TOP2A: variants seen among roughly 807,000 people sequenced by gnomAD.
TOP2A encodes the protein DNA topoisomerase II alpha.
A neutral mutation model predicts 187.2 loss-of-function variants in TOP2A; 68 were observed. The ratio of observed to expected loss-of-function variants is 0.36; its 90% CI spans 0.30 to 0.44. The LOEUF is 0.44. Ranked by LOEUF, TOP2A falls within the 20% of genes least tolerant of loss-of-function variation. The pLI is 1.00. For missense variants in TOP2A, 1,196 were observed against 1,808.7 expected (o/e 0.66, Z 6.14); for synonymous variants, 542 against 593.2 (o/e 0.91, Z 1.25).
chr17:40,411,609 G>T lies in TOP2A; in HGVS notation c.963+36C>A. 2.5e-6 allele frequency: 4 copies of T among 1,584,672 alleles called. No individual in the cohort carries two copies. Among genetic ancestry groups the T allele is most frequent in the Non-Finnish European group, 3.4e-6 (4 of 1,161,036 alleles). ...AACAATAAGAACACATATATGTAAA[G>T]ATAAATCATGATTAATAATTTAAGA... On this transcript the variant is annotated intron_variant, in intron 8 of 34. Transcript: ENST00000423485. This position sits in a 1 kb window ranked among gnomAD's most constrained non-coding sequence, Gnocchi z 4.4.
At chr17:40,399,285 A>C (rs960168034) in intron 24 of TOP2A, 154 bp from the exon 25 acceptor site, 4 of 617,042 alleles carry the variant, frequency 6.5e-6, no homozygotes, top group East Asian at 5.5e-5. Flanking sequence ...AAGTCTCCCT[A>C]AACCATTGAC....
chr17:40,399,271 A>G (rs1445734894), intron 24 of TOP2A, 140 bp from the exon 25 acceptor site: 2 of 649,572 alleles, frequency 3.1e-6, no homozygotes, highest in Non-Finnish European at 5.3e-6. Flanking sequence ...CCCGGTATAC[A>G]GGCAAGTCTC....
chr17:40,405,382 CT>C (rs1405624941), intron 16 of TOP2A, among the ~76,000 whole-genome samples: 1 of 151,478 alleles, frequency 6.6e-6, no homozygotes, highest in Non-Finnish European at 1.5e-5. Context: ...AACTCCCGAG[CT>C]CAGGTGATCC....
At position 40,411,403 on chromosome 17, in the gene TOP2A, TCAA is replaced by T; in HGVS notation, c.1013_1015del (p.Val338del). 2 of 1,613,842 alleles carry T rather than the reference TCAA, an allele frequency of 1.2e-6. No homozygotes were observed. The highest frequency in any genetic ancestry group is 1.7e-6 in the Non-Finnish European group (2 of 1,179,836). ...ACCCTTGTTCTTCTTCTTCACAACA[TCAA>T]CAAGTTTAGTCACAATCTGATCAGC... On this transcript the variant is annotated inframe_deletion, in exon 9 of 35. Transcript: ENST00000423485. This position sits in a 1 kb window ranked among gnomAD's most constrained non-coding sequence, Gnocchi z 4.4.
rs190217688 is a variant in TOP2A at position 40,396,338 on chromosome 17, C to A, written c.3665G>T (p.Arg1222Leu). The A allele has an allele frequency of 6.2e-7, 1 of 1,613,284 alleles. No individual in the cohort carries two copies. Among genetic ancestry groups the A allele is most frequent in the Admixed American group, 1.7e-5 (1 of 59,966 alleles). Residue 1222 changes from arginine (R) to leucine (L), a missense_variant, in exon 28 of 35, where the codon CGA (arginine) becomes CTA (leucine). Physicochemically the swap from Arg to Leu is moderately radical, Grantham distance 102. Around this residue, in one of 10 missense-constraint regions of TOP2A, gnomAD observed 374 missense variants for 403.3 expected, o/e 0.93. Coordinates refer to ENST00000423485, the MANE Select transcript of TOP2A (RefSeq NM_001067.4). ...PSPRGQRVIPRITIEMKAEAE... is the reference protein window; with the variant it reads ...PSPRGQRVIPLITIEMKAEAE... Reference sequence around the variant, plus strand: ...CTCTGCTTTCATTTCTATGGTTATTCGTGGAATGACTCTTTGACCACGCGG... The same window carrying A: ...CTCTGCTTTCATTTCTATGGTTATTAGTGGAATGACTCTTTGACCACGCGG...
chr17:40,414,565 C>T (rs1467110732), intron 4 of TOP2A, among the ~76,000 whole-genome samples: 2 of 152,070 alleles, frequency 1.3e-5, no homozygotes, highest in Admixed American at 6.5e-5. Context: ...TAAAAACAGG[C>T]TGGGCGCAGT....
At chr17:40,406,965 G>A in intron 13 of TOP2A, 23 bp from the exon 14 acceptor site, 1 of 1,544,176 alleles carries the variant, frequency 6.5e-7, no homozygotes, top group African/African-American at 1.4e-5. Context: ...GAAAGCCAAA[G>A]TTCAAAAGAA....
intron 20 of TOP2A, 24 bp downstream of exon 20, chr17:40,402,882 A>G: frequency 6.4e-7 from 1 of 1,565,232 alleles, no homozygotes; most frequent in Non-Finnish European, 8.7e-7. Flanking sequence ...ATGGCAAGTC[A>G]CTAGAAAGTG....
chr17:40,417,860 C>G lies in TOP2A; in HGVS notation c.-69G>C. 6.3e-7 allele frequency: 1 copy of G among 1,598,248 alleles called. No individual in the cohort carries two copies. The highest frequency in any genetic ancestry group is 1.7e-5 in the Admixed American group (1 of 58,340). ...ACAGGCAGGACCCCACGAGACCACC[C>G]CCGACCAAGCCGCTTCTCCACAGAC... On this transcript the variant is annotated 5_prime_UTR_variant, in exon 1 of 35. Coordinates refer to ENST00000423485, the MANE Select transcript of TOP2A (RefSeq NM_001067.4).
chr17:40,413,563 A>G lies in TOP2A; in HGVS notation c.395T>C (p.Val132Ala). The G allele has an allele frequency of 6.6e-7, 1 of 1,522,114 alleles. No homozygotes were observed. Among genetic ancestry groups the G allele is most frequent in the Non-Finnish European group, 8.9e-7 (1 of 1,123,916 alleles). The allele number at this position is 1,522,114 out of a possible 1,614,324, so 94.3% of individuals were successfully genotyped here. A position where few individuals can be genotyped will look rare whatever the true frequency, so the allele number is the denominator to read the frequency against. ...GKGIPVVEHKVEKMYVPALIF... is the reference protein window; with the variant it reads ...GKGIPVVEHKAEKMYVPALIF... The stretch of plus-strand genomic sequence containing the variant: ...GAGAGCTGGGACATACATCTTTTCA[A>G]CTTTGTGTTCAACAACAGGAATACC... The change falls in exon 5 of 35, where the codon GTT becomes GCT. Residue 132 changes from valine to alanine, a missense_variant. This residue lies in a region of TOP2A where 97 missense variants were observed against 171.0 expected (regional missense o/e 0.57). Transcript: ENST00000423485.
chr17:40,407,243 G>A (rs779544080), intron 13 of TOP2A, among the ~76,000 whole-genome samples: 2 of 152,162 alleles, frequency 1.3e-5, no homozygotes, highest in Non-Finnish European at 2.9e-5. Context: ...CAGCCTGGGC[G>A]ACAAGGGCGA....
Position 40,400,324 on chromosome 17 carries a change from G to A in TOP2A, c.2885C>T (p.Thr962Ile), listed in dbSNP as rs1295756742. The A allele has an allele frequency of 6.2e-7, 1 of 1,613,516 alleles. No individual in the cohort carries two copies. ...CACAACAAATTTCACAGTGGTATCT[G>A]TATGGTATTCCCTATAGTCTGTTAT... is the stretch of plus-strand genomic sequence containing the variant. The part of the protein sequence containing the change: ...PLITDYREYH[T>I]DTTVKFVVKM... Residue 962 changes from threonine to isoleucine, a missense_variant, in exon 23 of 35, where the codon ACA becomes ATA. Transcript: ENST00000423485.
intron 1 of TOP2A, 144 bp downstream of exon 1, chr17:40,417,626 AC>A: frequency 6.6e-7 from 1 of 1,504,322 alleles, no homozygotes; most frequent in Non-Finnish European, 8.9e-7. Context: ...CTCCACGATC[AC>A]CCCGGAACCG....
At chr17:40,389,888 A>T in intron 34 of TOP2A, 77 bp downstream of exon 34, 1 of 1,439,586 alleles carries the variant, frequency 6.9e-7, no homozygotes, top group Non-Finnish European at 9.3e-7. Context: ...AAGATATGCC[A>T]AATTTTTAAG....
rs1466315469 is a variant in TOP2A, at chr17:40,411,673, C to G, written c.935G>C (p.Ser312Thr). ...TMSEKGFQQI[S>T]FVNSIATSKG... ...GGATGTAGCAATGCTGTTGACAAAGCTAATTTGCTGAAAGCCTTTTTCACT... is the reference window on the plus strand; with the variant it reads ...GGATGTAGCAATGCTGTTGACAAAGGTAATTTGCTGAAAGCCTTTTTCACT... The change falls in exon 8 of 35, where the codon AGC becomes ACC. Residue 312 changes from serine (S) to threonine (T), a missense_variant. Ser to Thr is a moderately conservative substitution (Grantham distance 58). Coordinates refer to ENST00000423485, the MANE Select transcript of TOP2A (RefSeq NM_001067.4). This position sits in a 1 kb window ranked among gnomAD's most constrained non-coding sequence, Gnocchi z 4.4. 6.2e-7 allele frequency: 1 copy of G among 1,610,270 alleles called. No individual in the cohort carries two copies. Among genetic ancestry groups the G allele is most frequent in the African/African-American group, 1.3e-5 (1 of 74,670 alleles).
chr17:40,394,216 C>T (rs1353123872), intron 29 of TOP2A, among the ~76,000 whole-genome samples: 1 of 144,668 alleles, frequency 6.9e-6, no homozygotes, highest in Non-Finnish European at 1.5e-5. Context: ...TTTTAGTGGT[C>T]ACCCAGTGGA....
At chr17:40,394,301 CTGTT>C (rs1298676266) in intron 29 of TOP2A, among the ~76,000 whole-genome samples, 1 of 152,244 alleles carries the variant, frequency 6.6e-6, no homozygotes, top group Non-Finnish European at 1.5e-5. Context: ...TGTATTAAAA[CTGTT>C]TGTCTATACT....
rs371796195 is a variant in TOP2A, at chr17:40,404,505, T to C, written c.2047-14A>G. Reference sequence around the variant, plus strand: ...ATACAAGTAATCCTGAAGGACCAAATAGTATTACATGAGTCTACCGGTCTA... The same window carrying C: ...ATACAAGTAATCCTGAAGGACCAAACAGTATTACATGAGTCTACCGGTCTA... On this transcript the variant is annotated splice_polypyrimidine_tract_variant and intron_variant, in intron 17 of 34. Transcript: ENST00000423485. The C allele has an allele frequency of 9.1e-6, 13 of 1,427,834 alleles. No individual in the cohort carries two copies. The highest frequency in any genetic ancestry group is 1.2e-5 in the Non-Finnish European group (12 of 1,015,876). 88.4% of individuals were successfully genotyped at this position (1,427,834 alleles called of 1,614,324 possible).
At chr17:40,401,909 G>A (rs1456447972) in intron 20 of TOP2A, among the ~76,000 whole-genome samples, 1 of 152,164 alleles carries the variant, frequency 6.6e-6, no homozygotes, top group Non-Finnish European at 1.5e-5. Context: ...GGAAGGTGGG[G>A]ACACGGATCA....
Sources: allele counts gnomAD v4.1 joint callset (sites outside exome capture counted in the v4.1 genomes callset), GRCh38; gene constraint gnomAD v4.1.1; regional missense constraint gnomAD v4.1.1; non-coding constraint Gnocchi (gnomAD v3.1); transcripts MANE v1.5; gene names NCBI Gene and HGNC (gene_info 2026-07-23, HGNC 2026-07-21).